The following ESR1 variants were observed in gnomAD, a reference collection of about 807,000 sequenced individuals.
The protein encoded by ESR1 is estrogen receptor 1, also known as estrogen receptor.
ESR1 carries 12 observed loss-of-function variants against 52.7 expected under a neutral mutation model. The ratio of observed to expected loss-of-function variants is 0.23; its 90% CI spans 0.15 to 0.37. ESR1 has a LOEUF of 0.37. ESR1 is among the 10% of genes least tolerant of loss of function. ESR1 has a pLI of 1.00. For missense variants in ESR1, 584 were observed against 779.7 expected, an observed-to-expected ratio of 0.75 and a Z score of 2.99; for synonymous variants, 305 against 316.8, an observed-to-expected ratio of 0.96 and a Z score of 0.39.
rs147353182 is a variant in ESR1, at chr6:152,007,337, C to T, written c.1097-4319C>T. ...AGTTAACACATCTTGGAGGAAAAAC[C>T]GTTACTGTATAATGGAAGGCAGAAG... On this transcript the variant is annotated intron_variant, in intron 4 of 7. Coordinates refer to ENST00000206249, the MANE Select transcript of ESR1 (RefSeq NM_000125.4). 1.3e-3 allele frequency among the ~76,000 whole-genome samples: 192 copies of T among 151,966 alleles called. 1 individual carries two copies. In the East Asian group the frequency reaches 0.023, roughly 18 times the overall value.
chr6:151,683,864 A>ATTT lies in ESR1; in HGVS notation n.74-17993_74-17991dup, dbSNP rs66983259. 4.5e-3 allele frequency among the ~76,000 whole-genome samples: 531 copies of ATTT among 118,428 alleles called. 11 individuals are homozygous for ATTT. The highest frequency in any genetic ancestry group is 0.016 in the African/African-American group (498 of 30,552). The allele number at this position is 118,428 out of a possible 152,430, so 77.7% of individuals were successfully genotyped here. ...CAAGCATGTGCCACCACGTCTGGCTATTTTTTTTTTTTTTTTTTTTGTAGT... is the reference window on the plus strand; with the variant it reads ...CAAGCATGTGCCACCACGTCTGGCTATTTTTTTTTTTTTTTTTTTTTTTGTAGT... On this transcript the variant is annotated intron_variant and non_coding_transcript_variant, in intron 1 of 2. Coordinates refer to the ESR1 transcript ENST00000473497.
At chr6:152,055,960 C>T (rs927967306) in intron 5 of ESR1, among the ~76,000 whole-genome samples, 1 of 152,164 alleles carries the variant, frequency 6.6e-6, no homozygotes, top group Non-Finnish European at 1.5e-5. Flanking sequence ...TTGCAACTTA[C>T]AGTACGTTGT....
At chr6:151,850,385 G>T (rs1321481667) in intron 2 of ESR1, among the ~76,000 whole-genome samples, 1 of 146,004 alleles carries the variant, frequency 6.8e-6, no homozygotes, top group East Asian at 2.0e-4. Flanking sequence ...TATGATAACA[G>T]AGAGAGAGAG....
chr6:151,807,425 C>G (rs1778046106), upstream of ESR1: 1 of 202,302 alleles, frequency 4.9e-6, no homozygotes, highest in Non-Finnish European at 1.0e-5. Context: ...CCCAGTCTTC[C>G]CTGGGCCACC....
At chr6:151,928,232 T>G (rs1436943621) in intron 3 of ESR1, among the ~76,000 whole-genome samples, 1 of 152,218 alleles carries the variant, frequency 6.6e-6, no homozygotes, top group South Asian at 2.1e-4. Flanking sequence ...TTTTGACTTA[T>G]GTAATGCATC....
At chr6:151,774,828 T>C (rs1314106417) in intron 2 of ESR1, among the ~76,000 whole-genome samples, 1 of 152,216 alleles carries the variant, frequency 6.6e-6, no homozygotes, top group East Asian at 1.9e-4. Flanking sequence ...TAAATAACTG[T>C]ACATAACCAT....
chr6:152,095,064 C>T (rs1353621834), intron 7 of ESR1, among the ~76,000 whole-genome samples: 1 of 152,116 alleles, frequency 6.6e-6, no homozygotes, highest in Non-Finnish European at 1.5e-5. Flanking sequence ...GTCTAAGCCA[C>T]CATCATTTTC....
rs191575842 is a variant in ESR1, at chr6:152,073,630, C to G, written c.1369+12506C>G. Among the ~76,000 whole-genome samples the G allele has an allele frequency of 9.2e-5, 14 of 152,344 alleles. No homozygotes were observed. The East Asian group carries it at 2.7e-3, about 29-fold the overall frequency. Reference sequence around the variant, plus strand: ...AAATTATTAGTTTTCTCAAATATCTCTGGAGGCGAGTCTGTTGGCAGTCAT... The same window carrying G: ...AAATTATTAGTTTTCTCAAATATCTGTGGAGGCGAGTCTGTTGGCAGTCAT... On this transcript the variant is annotated intron_variant, in intron 6 of 7. Coordinates refer to ENST00000206249, the MANE Select transcript of ESR1 (RefSeq NM_000125.4).
intron 3 of ESR1, among the ~76,000 whole-genome samples, chr6:151,893,047 C>T (rs910580878): frequency 3.9e-5 from 6 of 152,094 alleles, no homozygotes; most frequent in African/African-American, 7.2e-5. Context: ...AAAAATTAGC[C>T]GGGCATGGTG....
exon 1 of ESR1, chr6:151,656,760 G>A (rs1485244909): frequency 6.6e-6 from 1 of 152,152 alleles, no homozygotes; most frequent in East Asian, 1.9e-4. Context: ...AGCTACCAAA[G>A]AAGGTAAGTT....
chr6:151,775,109 T>C (rs1009066577), intron 2 of ESR1, among the ~76,000 whole-genome samples: 3 of 151,216 alleles, frequency 2.0e-5, no homozygotes, highest in Non-Finnish European at 3.0e-5. Flanking sequence ...GCAGGAGAGG[T>C]GAAAGAAGGA....
intron 2 of ESR1, among the ~76,000 whole-genome samples, chr6:151,711,374 A>G (rs2127999334): frequency 6.6e-6 from 1 of 152,220 alleles, no homozygotes; most frequent in East Asian, 1.9e-4. Context: ...GGCGCCCGCC[A>G]TCATGCCCAG....
At chr6:152,004,180 A>G (rs1285288035) in intron 4 of ESR1, among the ~76,000 whole-genome samples, 2 of 152,042 alleles carry the variant, frequency 1.3e-5, no homozygotes, top group African/African-American at 4.8e-5. Flanking sequence ...TGGTACACAC[A>G]CAGACACACA....
intron 2 of ESR1, among the ~76,000 whole-genome samples, chr6:151,711,242 G>C (rs1780585298): frequency 1.4e-5 from 2 of 146,886 alleles, no homozygotes; most frequent in Admixed American, 1.4e-4. Flanking sequence ...TTTTTTTTGA[G>C]ATGGAGTCTC....
chr6:152,118,469 A>C (rs2051235065), intron 6 of ESR1: 1 of 152,176 alleles, frequency 6.6e-6, no homozygotes, highest in Non-Finnish European at 1.5e-5. Flanking sequence ...ACGGATGAAG[A>C]CCATCATCCT....
At chr6:151,748,581 A>G (rs906586949) in intron 2 of ESR1, among the ~76,000 whole-genome samples, 5 of 152,192 alleles carry the variant, frequency 3.3e-5, no homozygotes, top group African/African-American at 1.2e-4. Context: ...ATTTGTGAAG[A>G]TATTCACAGG....
At chr6:151,668,443 T>C (rs1378837185) in intron 1 of ESR1, among the ~76,000 whole-genome samples, 2 of 152,016 alleles carry the variant, frequency 1.3e-5, no homozygotes, top group Non-Finnish European at 2.9e-5. Context: ...CCACCATGCC[T>C]GGCTAATTTT....
At chr6:152,113,648 A>G (rs1278009851) in intron 6 of ESR1, among the ~76,000 whole-genome samples, 2 of 152,220 alleles carry the variant, frequency 1.3e-5, no homozygotes, top group Admixed American at 1.3e-4. Flanking sequence ...AACAATTTTA[A>G]GAGACTTTCT....
intron 2 of ESR1, among the ~76,000 whole-genome samples, chr6:151,849,999 TA>T (rs1786078635): frequency 8.1e-6 from 1 of 123,490 alleles, no homozygotes; most frequent in Non-Finnish European, 1.6e-5. Flanking sequence ...TATATATATA[TA>T]TATATAATTT....
Sources: allele counts gnomAD v4.1 joint callset (sites outside exome capture counted in the v4.1 genomes callset), GRCh38; gene constraint gnomAD v4.1.1; transcripts MANE v1.5; gene names NCBI Gene and HGNC (gene_info 2026-07-23, HGNC 2026-07-21).